Variants in CDK17 observed in about 807,000 individuals in gnomAD.
CDK17 encodes the protein cyclin-dependent kinase 17.
A neutral mutation model predicts 77.6 loss-of-function variants in CDK17; 24 were observed. That is an observed-to-expected ratio of 0.31 (90% CI 0.22 to 0.44). CDK17 has a LOEUF of 0.44. Among genes scored for constraint, CDK17 ranks in the 20% least tolerant of loss-of-function variants. CDK17 has a pLI of 1.00. For missense variants in CDK17, 429 were observed against 622.5 expected, an observed-to-expected ratio of 0.69 and a Z score of 3.31; for synonymous variants, 203 against 210.4, an observed-to-expected ratio of 0.96 and a Z score of 0.30.
At chr12:96,329,844 C>T (rs1033166925) in intron 2 of CDK17, among the ~76,000 whole-genome samples, 2 of 152,124 alleles carry the variant, frequency 1.3e-5, no homozygotes, top group African/African-American at 2.4e-5. Flanking sequence ...TTTGTTGACT[C>T]CAAACTTGAC....
chr12:96,387,770 T>C (rs1953999559), intron 1 of CDK17, among the ~76,000 whole-genome samples: 2 of 149,928 alleles, frequency 1.3e-5, no homozygotes, highest in South Asian at 2.1e-4. Flanking sequence ...AGTGAGACCC[T>C]GTCTCTATCA....
intron 5 of CDK17, 119 bp downstream of exon 5, chr12:96,310,933 A>G: frequency 9.8e-7 from 1 of 1,024,778 alleles, no homozygotes; most frequent in African/African-American, 1.7e-5. Context: ...AGAAGGCAAT[A>G]TAATAAAATT....
intron 13 of CDK17, among the ~76,000 whole-genome samples, chr12:96,284,018 T>C (rs1952211821): frequency 6.6e-6 from 1 of 152,226 alleles, no homozygotes; most frequent in South Asian, 2.1e-4. Context: ...TCCTATTATA[T>C]AGGTGAAAAC....
At chr12:96,377,695 G>T (rs796092642) in intron 1 of CDK17, among the ~76,000 whole-genome samples, 83 of 123,844 alleles carry the variant, frequency 6.7e-4, no homozygotes, top group African/African-American at 2.4e-3. Context: ...TTTTTTTTTC[G>T]TTTTTTTTTT....
At chr12:96,370,566 G>C (rs1039014780) in intron 1 of CDK17, among the ~76,000 whole-genome samples, 1 of 152,274 alleles carries the variant, frequency 6.6e-6, no homozygotes, top group East Asian at 1.9e-4. Flanking sequence ...GTGGTCTGGG[G>C]AACCTTTATG....
intron 1 of CDK17, among the ~76,000 whole-genome samples, chr12:96,339,160 A>T (rs972598944): frequency 3.3e-5 from 5 of 152,202 alleles, no homozygotes; most frequent in African/African-American, 1.2e-4. Flanking sequence ...TATTATAGAA[A>T]TGTTATTACA....
At chr12:96,326,560 C>T (rs954303983) in intron 2 of CDK17, among the ~76,000 whole-genome samples, 1 of 152,182 alleles carries the variant, frequency 6.6e-6, no homozygotes, top group Non-Finnish European at 1.5e-5. Flanking sequence ...TGGCAGAGTT[C>T]GACTTGTTAG....
chr12:96,338,771 G>GT (rs34576077), intron 1 of CDK17, among the ~76,000 whole-genome samples: 9,237 of 146,446 alleles, frequency 0.063, 356 homozygotes, highest in Admixed American at 0.093. Flanking sequence ...AGCCACTAAG[G>GT]TTTTTTTTTT....
chr12:96,380,098 G>A (rs1043888786), intron 1 of CDK17, among the ~76,000 whole-genome samples: 4 of 151,214 alleles, frequency 2.6e-5, no homozygotes, highest in Non-Finnish European at 5.9e-5. Context: ...GAACCCAGGA[G>A]GTTGAGCCTG....
At chr12:96,353,151 C>T (rs1217486422) in intron 1 of CDK17, among the ~76,000 whole-genome samples, 1 of 152,168 alleles carries the variant, frequency 6.6e-6, no homozygotes, top group African/African-American at 2.4e-5. Flanking sequence ...TTTACAAAAC[C>T]TAATGTTCCA....
intron 1 of CDK17, among the ~76,000 whole-genome samples, chr12:96,360,749 C>T (rs2137188254): frequency 6.6e-6 from 1 of 152,240 alleles, no homozygotes; most frequent in South Asian, 2.1e-4. Context: ...AACAGGATAC[C>T]AAGAACAGGG....
intron 1 of CDK17, among the ~76,000 whole-genome samples, chr12:96,376,304 A>G (rs546234220): frequency 1.3e-5 from 2 of 152,348 alleles, no homozygotes; most frequent in East Asian, 3.9e-4. Context: ...TTACCTTGGT[A>G]TGTCTGTCCA....
At chr12:96,385,797 T>C (rs1953963670) in intron 1 of CDK17, among the ~76,000 whole-genome samples, 1 of 152,070 alleles carries the variant, frequency 6.6e-6, no homozygotes, top group South Asian at 2.1e-4. Context: ...CTAAAACTAA[T>C]AACTGAGACC....
chr12:96,306,267 T>C (rs1952575957), intron 5 of CDK17, among the ~76,000 whole-genome samples: 1 of 152,124 alleles, frequency 6.6e-6, no homozygotes, highest in Non-Finnish European at 1.5e-5. Context: ...TATATTGCCA[T>C]TAGAAAATAT....
chr12:96,361,281 T>G (rs1304350087), intron 1 of CDK17, among the ~76,000 whole-genome samples: 1 of 152,116 alleles, frequency 6.6e-6, no homozygotes, highest in Non-Finnish European at 1.5e-5. Context: ...CCTACCAGGG[T>G]GAAGCTTTGT....
intron 15 of CDK17, chr12:96,281,846 T>C (rs1952182923): frequency 6.6e-6 from 1 of 152,238 alleles, no homozygotes; most frequent in African/African-American, 2.4e-5. Context: ...ATCAATATTG[T>C]CTAATAAATG....
At chr12:96,294,870 A>G (rs1436694731) in intron 10 of CDK17, 129 bp downstream of exon 10, 4 of 728,278 alleles carry the variant, frequency 5.5e-6, no homozygotes, top group African/African-American at 3.6e-5. Flanking sequence ...CAAATATCTT[A>G]TTCTGTGGGC....
At chr12:96,361,995 A>G (rs1225972125) in intron 1 of CDK17, among the ~76,000 whole-genome samples, 1 of 152,142 alleles carries the variant, frequency 6.6e-6, no homozygotes, top group African/African-American at 2.4e-5. Context: ...ATTGCCTGAG[A>G]TGTACTTAGT....
intron 1 of CDK17, among the ~76,000 whole-genome samples, chr12:96,395,351 G>C (rs567032661): frequency 6.6e-6 from 1 of 152,246 alleles, no homozygotes; most frequent in South Asian, 2.1e-4. Flanking sequence ...ATAGAGTGCA[G>C]ACAGTAACAT....
Sources: gnomAD v4.1 joint callset for allele counts (sites outside exome capture counted in the v4.1 genomes callset) on GRCh38, gnomAD v4.1.1 for gene constraint, MANE v1.5 for transcripts, NCBI Gene and HGNC (gene_info 2026-07-23, HGNC 2026-07-21) for gene names.